ENTHD1: variants seen among roughly 807,000 people sequenced by gnomAD.
ENTHD1 encodes the protein ENTH domain containing 1, also known as ENTH domain-containing protein 1.
ENTHD1 carries 23 observed loss-of-function variants against 39.1 expected under a neutral mutation model. The observed-to-expected ratio is 0.59, with a 90% CI of 0.42 to 0.83. The LOEUF (loss-of-function observed/expected upper bound fraction) is 0.83, where lower values mean the gene tolerates loss of function less well. Ranked by LOEUF, ENTHD1 falls within the 40% of genes least tolerant of loss-of-function variation. ENTHD1 has a pLI of 0.00. For synonymous variants in ENTHD1, 230 were observed against 258.2 expected, an observed-to-expected ratio of 0.89 and a Z score of 1.05; for missense variants, 624 against 705.4, an observed-to-expected ratio of 0.88 and a Z score of 1.31.
chr22:39,856,645 G>A (rs534860853), intron 3 of ENTHD1, among the ~76,000 whole-genome samples: 1 of 151,924 alleles, frequency 6.6e-6, no homozygotes, highest in South Asian at 2.1e-4. Flanking sequence ...TCTTTTTTGT[G>A]AAACATACTT....
chr22:39,789,705 C>T (rs573627165), intron 5 of ENTHD1, among the ~76,000 whole-genome samples: 2 of 152,250 alleles, frequency 1.3e-5, no homozygotes, highest in South Asian at 4.1e-4. Flanking sequence ...TTAAAGCTTA[C>T]ATTACAGTGG....
At chr22:39,876,615 C>A (rs1330213228) in intron 2 of ENTHD1, among the ~76,000 whole-genome samples, 1 of 151,162 alleles carries the variant, frequency 6.6e-6, no homozygotes, top group Non-Finnish European at 1.5e-5. Flanking sequence ...TTAAAATGTT[C>A]TTTATTGTGC....
chr22:39,758,587 G>A (rs1339116686), intron 6 of ENTHD1, among the ~76,000 whole-genome samples: 1 of 151,964 alleles, frequency 6.6e-6, no homozygotes, highest in Non-Finnish European at 1.5e-5. Context: ...ACCATGCCTG[G>A]CTAATGTTTT....
intron 5 of ENTHD1, among the ~76,000 whole-genome samples, chr22:39,769,884 C>T (rs932337544): frequency 2.6e-5 from 4 of 152,088 alleles, no homozygotes; most frequent in African/African-American, 9.7e-5. Flanking sequence ...ACCTAAATGC[C>T]TGTAGAGGGG....
At chr22:39,870,762 C>G (rs1330159897) in intron 2 of ENTHD1, among the ~76,000 whole-genome samples, 1 of 152,150 alleles carries the variant, frequency 6.6e-6, no homozygotes, top group African/African-American at 2.4e-5. Context: ...CCTCAGCCCT[C>G]CAAACCTAGT....
intron 4 of ENTHD1, among the ~76,000 whole-genome samples, chr22:39,834,453 T>C (rs1321384453): frequency 1.3e-5 from 2 of 152,186 alleles, no homozygotes; most frequent in Non-Finnish European, 2.9e-5. Context: ...ACAGACCTAT[T>C]AGAAGAGCTA....
intron 2 of ENTHD1, 128 bp downstream of exon 2, chr22:39,887,272 T>A: frequency 1.3e-6 from 1 of 755,280 alleles, no homozygotes; most frequent in Admixed American, 3.0e-5. Context: ...TATTCACAGG[T>A]GCAATCTTTC....
At chr22:39,760,947 A>G (rs1193255316) in intron 6 of ENTHD1, among the ~76,000 whole-genome samples, 1 of 152,104 alleles carries the variant, frequency 6.6e-6, no homozygotes, top group African/African-American at 2.4e-5. Flanking sequence ...ACCCCAAAAT[A>G]CAGTATTATA....
intron 2 of ENTHD1, among the ~76,000 whole-genome samples, chr22:39,880,600 A>G (rs1431151521): frequency 6.6e-6 from 1 of 152,218 alleles, no homozygotes; most frequent in Non-Finnish European, 1.5e-5. Flanking sequence ...GGGAACACTC[A>G]GTATTTTCCT....
intron 1 of ENTHD1, among the ~76,000 whole-genome samples, chr22:39,888,855 C>G (rs1413911859): frequency 6.6e-6 from 1 of 152,154 alleles, no homozygotes; most frequent in Non-Finnish European, 1.5e-5. Flanking sequence ...TCAGGCATCT[C>G]TTTATATTGT....
At chr22:39,798,296 T>C (rs2065567315) in intron 5 of ENTHD1, among the ~76,000 whole-genome samples, 1 of 152,126 alleles carries the variant, frequency 6.6e-6, no homozygotes, top group African/African-American at 2.4e-5. Context: ...TTGGTTTTGT[T>C]CTTTATAATA....
intron 5 of ENTHD1, among the ~76,000 whole-genome samples, chr22:39,792,007 A>G (rs1050431448): frequency 3.3e-5 from 5 of 151,954 alleles, no homozygotes; most frequent in African/African-American, 1.2e-4. Flanking sequence ...CTGTTCCTGC[A>G]TTAGTTTGCT....
chr22:39,858,542 C>T (rs1370535690), intron 3 of ENTHD1, among the ~76,000 whole-genome samples: 1 of 152,144 alleles, frequency 6.6e-6, no homozygotes, highest in Non-Finnish European at 1.5e-5. Context: ...TTTTAATTTA[C>T]TTTGCTCAGA....
intron 5 of ENTHD1, among the ~76,000 whole-genome samples, chr22:39,786,752 G>A (rs2065462259): frequency 1.3e-5 from 2 of 152,084 alleles, no homozygotes; most frequent in Admixed American, 1.3e-4. Context: ...CTGTGAGCTC[G>A]ACTGTTTTAG....
At chr22:39,799,317 T>A (rs1006430347) in intron 5 of ENTHD1, among the ~76,000 whole-genome samples, 1 of 152,110 alleles carries the variant, frequency 6.6e-6, no homozygotes, top group Admixed American at 6.5e-5. Flanking sequence ...CACTATGGCT[T>A]GTTTTGTGCC....
At chr22:39,770,364 C>A (rs946427195) in intron 5 of ENTHD1, among the ~76,000 whole-genome samples, 2 of 152,140 alleles carry the variant, frequency 1.3e-5, no homozygotes, top group Non-Finnish European at 2.9e-5. Flanking sequence ...CTTCTCCACT[C>A]CATCGGTGGA....
intron 3 of ENTHD1, among the ~76,000 whole-genome samples, chr22:39,836,527 C>T (rs1003522950): frequency 6.6e-6 from 1 of 152,090 alleles, no homozygotes; most frequent in Non-Finnish European, 1.5e-5. Context: ...AACTTTATTA[C>T]TGCAGTGTGA....
chr22:39,803,478 A>G (rs2065615537), intron 5 of ENTHD1, among the ~76,000 whole-genome samples: 2 of 152,054 alleles, frequency 1.3e-5, no homozygotes, highest in Non-Finnish European at 2.9e-5. Context: ...TTTATTATCT[A>G]TCTTCACCAG....
intron 4 of ENTHD1, among the ~76,000 whole-genome samples, chr22:39,829,576 G>A (rs1171612844): frequency 6.6e-6 from 1 of 151,992 alleles, no homozygotes; most frequent in African/African-American, 2.4e-5. Context: ...CCTGAGGTCA[G>A]GGGTTCAAGA....
Sources: allele counts gnomAD v4.1 joint callset (sites outside exome capture counted in the v4.1 genomes callset), GRCh38; gene constraint gnomAD v4.1.1; transcripts MANE v1.5; gene names NCBI Gene and HGNC (gene_info 2026-07-23, HGNC 2026-07-21).